Variants in NUGGC observed in about 807,000 individuals in gnomAD.
NUGGC encodes nuclear GTPase SLIP-GC.
NUGGC carries 58 observed loss-of-function variants against 92.6 expected under a neutral mutation model. The observed-to-expected ratio is 0.63, with a 90% confidence interval of 0.51 to 0.78. The LOEUF (loss-of-function observed/expected upper bound fraction) is 0.78. NUGGC is among the 30% of genes least tolerant of loss of function. The probability of loss-of-function intolerance (pLI) is 0.00; values close to 1 mark genes in which losing one functional copy is unlikely to be tolerated. For missense variants in NUGGC, 925 were observed against 964.6 expected (o/e 0.96, Z 0.54); for synonymous variants, 376 against 366.4 (o/e 1.03, Z -0.30).
intron 10 of NUGGC, among the ~76,000 whole-genome samples, chr8:28,049,209 C>G (rs531903590): frequency 6.6e-6 from 1 of 152,124 alleles, no homozygotes; most frequent in African/African-American, 2.4e-5. Context: ...GGCTGGAATA[C>G]GGATATCTGT....
Position 28,041,201 on chromosome 8 carries a change from G to A in NUGGC, c.1461C>T (p.His487=). The A allele has an allele frequency of 6.2e-7, 1 of 1,610,632 alleles. No homozygotes were observed. Among genetic ancestry groups the A allele is most frequent in the Non-Finnish European group, 8.5e-7 (1 of 1,178,646 alleles). ...CCGCAAATCTCCGCAGGACACTCATGTGCAAGTGTTCATTCTAGGGACAAG... is the reference window on the plus strand; with the variant it reads ...CCGCAAATCTCCGCAGGACACTCATATGCAAGTGTTCATTCTAGGGACAAG... ...STQNLPNEHL[H]MSVLRRFAEE... Residue 487 remains histidine (H), a synonymous_variant, in exon 13 of 19, where the codon CAC becomes CAT. Coordinates refer to ENST00000413272, the MANE Select transcript of NUGGC (RefSeq NM_001010906.2).
intron 10 of NUGGC, among the ~76,000 whole-genome samples, chr8:28,050,824 A>AT (rs1339644565): frequency 6.6e-6 from 1 of 151,988 alleles, no homozygotes; most frequent in East Asian, 1.9e-4. Context: ...AAAAAAAAAA[A>AT]ATCATGACCT....
chr8:28,036,737 A>G (rs922839011), intron 13 of NUGGC, among the ~76,000 whole-genome samples: 1 of 152,148 alleles, frequency 6.6e-6, no homozygotes, highest in Non-Finnish European at 1.5e-5. Flanking sequence ...TGTCCTTCAG[A>G]TTTGCTCTTC....
intron 18 of NUGGC, among the ~76,000 whole-genome samples, chr8:28,024,605 G>C (rs1384430249): frequency 6.6e-6 from 1 of 152,214 alleles, no homozygotes; most frequent in African/African-American, 2.4e-5. Context: ...GGACACTTCA[G>C]ACTGAGCCCT....
rs74462442 is a variant in NUGGC, at chr8:28,067,668, G to C, written c.557C>G (p.Ala186Gly). 1 of 1,613,786 alleles carries C rather than the reference G, an allele frequency of 6.2e-7. No homozygotes were observed. Among genetic ancestry groups the C allele is most frequent in the Admixed American group, 1.7e-5 (1 of 60,002 alleles). Residue 186 changes from alanine to glycine, a missense_variant, in exon 6 of 19, where the codon GCG (alanine) becomes GGG (glycine). Coordinates refer to ENST00000413272, the MANE Select transcript of NUGGC (RefSeq NM_001010906.2). ...CTCCACTGCCTCATCCCTGTTCCACGCATCTGCCTCTTCTCTGCTCAGCTC... is the reference window on the plus strand; with the variant it reads ...CTCCACTGCCTCATCCCTGTTCCACCCATCTGCCTCTTCTCTGCTCAGCTC... ...TEELSREEAD[A>G]WNRDEAVEEA...
In NUGGC at chr8:28,041,229, C is replaced by T. The variant is rs190738939; in HGVS notation, c.1447-14G>A. 4.0e-5 allele frequency: 64 copies of T among 1,601,616 alleles called. No individual in the cohort carries two copies. In the East Asian group the frequency reaches 1.3e-3, roughly 32 times the overall value. On this transcript the variant is annotated splice_polypyrimidine_tract_variant and intron_variant, in intron 12 of 18. Coordinates refer to ENST00000413272, the MANE Select transcript of NUGGC (RefSeq NM_001010906.2). ...CAAGTGTTCATTCTAGGGACAAGGACCATAAAAGAATCAGGCCACCCCCTC... is the reference window on the plus strand; with the variant it reads ...CAAGTGTTCATTCTAGGGACAAGGATCATAAAAGAATCAGGCCACCCCCTC...
chr8:28,029,147 G>C (rs1004750377), intron 17 of NUGGC, 119 bp downstream of exon 17: 5 of 1,014,150 alleles, frequency 4.9e-6, no homozygotes, highest in Non-Finnish European at 7.2e-6. Flanking sequence ...CGAAGCCCCA[G>C]AAAGCATCTG....
intron 10 of NUGGC, among the ~76,000 whole-genome samples, chr8:28,052,165 C>A (rs1371869783): frequency 6.6e-6 from 1 of 152,180 alleles, no homozygotes; most frequent in African/African-American, 2.4e-5. Flanking sequence ...CCCCAATCTT[C>A]AACCACTTAA....
chr8:28,031,466 T>C (rs1481853061), intron 14 of NUGGC, 85 bp from the exon 15 acceptor site: 1 of 1,313,660 alleles, frequency 7.6e-7, no homozygotes, highest in East Asian at 2.3e-5. Flanking sequence ...GGTGTCCTTT[T>C]ATTCATTTAA....
At chr8:28,056,625 C>A (rs1017530667) in intron 9 of NUGGC, among the ~76,000 whole-genome samples, 2 of 151,884 alleles carry the variant, frequency 1.3e-5, no homozygotes, top group African/African-American at 2.4e-5. Context: ...AACCCTGTAG[C>A]CTAGAAGTAT....
chr8:28,028,984 C>A (rs1809340915), intron 17 of NUGGC, among the ~76,000 whole-genome samples: 1 of 152,128 alleles, frequency 6.6e-6, no homozygotes, highest in African/African-American at 2.4e-5. Flanking sequence ...AAAATGGGAA[C>A]AATGATAGTA....
At chr8:28,043,014 G>T (rs570300583) in intron 12 of NUGGC, among the ~76,000 whole-genome samples, 1 of 152,130 alleles carries the variant, frequency 6.6e-6, no homozygotes, top group African/African-American at 2.4e-5. Flanking sequence ...GGTGCACCCC[G>T]GGAATTTCCC....
In NUGGC at chr8:28,060,730, T is replaced by G. The variant is rs1010003516; in HGVS notation, c.922-129A>C. ...CCTCACCGCTCCCCACCGCACTCTG[T>G]GCACTAGCTGGACTGAGCTATGAGT... On this transcript the variant is annotated intron_variant, in intron 7 of 18. Coordinates refer to ENST00000413272, the MANE Select transcript of NUGGC (RefSeq NM_001010906.2). The G allele has an allele frequency of 2.3e-5, 16 of 709,202 alleles. No individual in the cohort carries two copies. The Middle Eastern group carries it at 1.5e-3, about 67-fold the overall frequency. The allele number at this position is 709,202 out of a possible 1,614,324, so 43.9% of individuals were successfully genotyped here. A position where few individuals can be genotyped will look rare whatever the true frequency, so the allele number is the denominator to read the frequency against.
chr8:28,033,470 A>G, intron 14 of NUGGC, 70 bp downstream of exon 14: 1 of 1,466,008 alleles, frequency 6.8e-7, no homozygotes, highest in Non-Finnish European at 9.4e-7. Context: ...CCAAAGTCTA[A>G]ATTCTTAAAG....
In NUGGC at chr8:28,067,504, T is replaced by G; in HGVS notation, c.711+10A>C. On this transcript the variant is annotated intron_variant, in intron 6 of 18. Transcript: ENST00000413272. ...GGATGAAATCAAGGAAAAAACGAAC[T>G]TGACGCTACCTCTTCCGCCTTGAGG... The G allele has an allele frequency of 6.3e-7, 1 of 1,581,810 alleles. No individual in the cohort carries two copies. The highest frequency in any genetic ancestry group is 8.6e-7 in the Non-Finnish European group (1 of 1,159,976).
chr8:28,033,674 A>C lies in NUGGC; in HGVS notation c.1635T>G (p.Phe545Leu), dbSNP rs767666085. The stretch of plus-strand genomic sequence containing the variant: ...GGCAAACAGCTTTCAGGGTCTGATG[A>C]AAACCTTGGTTTCCTTTACTCCTCT... The part of the protein sequence containing the change: ...CLVRSKGNQG[F>L]HQTLKAVCLK... Residue 545 changes from phenylalanine (F) to leucine (L), a missense_variant, in exon 14 of 19, where the codon TTT becomes TTG. Phe to Leu is a conservative substitution (Grantham distance 22). Transcript: ENST00000413272. 3 of 1,613,974 alleles carry C rather than the reference A, an allele frequency of 1.9e-6. No homozygotes were observed. Among genetic ancestry groups the C allele is most frequent in the Non-Finnish European group, 2.5e-6 (3 of 1,179,858 alleles).
At chr8:28,028,190 C>T (rs890480927) in intron 17 of NUGGC, among the ~76,000 whole-genome samples, 1 of 152,078 alleles carries the variant, frequency 6.6e-6, no homozygotes, top group Non-Finnish European at 1.5e-5. Context: ...GACATAGTTT[C>T]CTGGGTGTCT....
intron 12 of NUGGC, among the ~76,000 whole-genome samples, chr8:28,042,421 C>T (rs1422414637): frequency 2.6e-5 from 4 of 152,178 alleles, no homozygotes; most frequent in Admixed American, 1.3e-4. Flanking sequence ...CAAGTAGCTA[C>T]CCCTGGACTT....
intron 1 of NUGGC, among the ~76,000 whole-genome samples, chr8:28,078,648 T>C (rs1181681470): frequency 2.0e-5 from 3 of 152,118 alleles, no homozygotes; most frequent in Admixed American, 6.5e-5. Flanking sequence ...AGACACAAAT[T>C]CTCATTTTGA....
Sources: gnomAD v4.1 joint callset for allele counts (sites outside exome capture counted in the v4.1 genomes callset) on GRCh38, gnomAD v4.1.1 for gene constraint, MANE v1.5 for transcripts, NCBI Gene and HGNC (gene_info 2026-07-23, HGNC 2026-07-21) for gene names.